The following PSG8 variants were observed in gnomAD, a reference collection of about 807,000 sequenced individuals.
PSG8 encodes the protein pregnancy-specific beta-1-glycoprotein 8.
Under a neutral mutation model 42.5 loss-of-function variants are expected in PSG8, and 57 were observed. The observed-to-expected ratio is 1.34, with a 90% CI of 1.08 to 1.67. PSG8 has a LOEUF of 1.67. Among genes scored for constraint, PSG8 ranks in the 40% most tolerant of loss-of-function variants. PSG8 has a pLI of 0.00. For missense variants in PSG8, 783 were observed against 518.6 expected (o/e 1.51, Z -4.95); for synonymous variants, 280 against 196.8 (o/e 1.42, Z -3.54).
chr19:42,757,929 C>A, intron 3 of PSG8, 73 bp downstream of exon 3: 1 of 1,613,730 alleles, frequency 6.2e-7, no homozygotes, highest in Non-Finnish European at 8.5e-7. Flanking sequence ...CTGAGAGGGA[C>A]TGAGAGGCCT....
downstream of PSG8, chr19:42,753,849 T>A (rs1223942839): frequency 8.8e-6 from 4 of 455,152 alleles, no homozygotes; most frequent in Non-Finnish European, 1.7e-5. Flanking sequence ...TGCAAATATG[T>A]GTATTACCAT....
intron 2 of PSG8, among the ~76,000 whole-genome samples, chr19:42,762,877 A>G (rs1203213254): frequency 2.0e-5 from 3 of 152,094 alleles, no homozygotes; most frequent in African/African-American, 7.2e-5. Context: ...CTTGGAAGCC[A>G]GTGAGCCCTC....
chr19:42,759,581 T>A (rs1006887434), intron 2 of PSG8, among the ~76,000 whole-genome samples: 1 of 152,154 alleles, frequency 6.6e-6, no homozygotes, highest in African/African-American at 2.4e-5. Flanking sequence ...CTTTTTAGCA[T>A]CACATCAGTG....
intron 3 of PSG8, chr19:42,755,662 T>C: frequency 3.6e-6 from 1 of 276,038 alleles, no homozygotes; most frequent in East Asian, 7.6e-5. Flanking sequence ...TCCCCCTAGA[T>C]GTGATTTCTC....
intron 3 of PSG8, among the ~76,000 whole-genome samples, chr19:42,757,287 A>T (rs1969950452): frequency 6.6e-6 from 1 of 152,048 alleles, no homozygotes; most frequent in Non-Finnish European, 1.5e-5. Context: ...CTTCCCTGAT[A>T]ACTAGATAGA....
At position 42,758,174 on chromosome 19, in the gene PSG8, C is replaced by G. The variant is rs779703066; in HGVS notation, c.537G>C (p.Leu179=). 1 of 1,613,926 alleles carries G rather than the reference C, an allele frequency of 6.2e-7. No individual in the cohort carries two copies. Among genetic ancestry groups the G allele is most frequent in the African/African-American group, 1.3e-5 (1 of 74,896 alleles). The change falls in exon 3 of 5, where the codon CTG becomes CTC. Residue 179 remains leucine, a synonymous_variant. Transcript: ENST00000306511. Reference sequence around the variant, plus strand: ...GGAGGCTCTGACCATTCATCCACCACAGGTAGCTTGCGTCCGGAGTCTCAG... The same window carrying G: ...GGAGGCTCTGACCATTCATCCACCAGAGGTAGCTTGCGTCCGGAGTCTCAG... ...CDPETPDASY[L]WWMNGQSLPM...
At chr19:42,753,340 A>T (rs1486552060), downstream of PSG8, 2 of 780,452 alleles carry the variant, frequency 2.6e-6, no homozygotes, top group Admixed American at 1.7e-5. Context: ...AGAAAATGGA[A>T]TTGGAGGAAC....
intron 2 of PSG8, among the ~76,000 whole-genome samples, chr19:42,761,358 G>A (rs1243041637): frequency 6.6e-6 from 1 of 152,142 alleles, no homozygotes; most frequent in Non-Finnish European, 1.5e-5. Flanking sequence ...GTTATAGGAG[G>A]GAACTGAATT....
At position 42,762,401 on chromosome 19, in the gene PSG8, G is replaced by T. The variant is rs148041852; in HGVS notation, c.430+1515C>A. ...TACATGAGCTGGGGTGGCTTTAGGGGCAAGAGGTAGTGGGGGGATGAAACA... is the reference window on the plus strand; with the variant it reads ...TACATGAGCTGGGGTGGCTTTAGGGTCAAGAGGTAGTGGGGGGATGAAACA... On this transcript the variant is annotated intron_variant, in intron 2 of 4. Coordinates refer to ENST00000306511, the MANE Select transcript of PSG8 (RefSeq NM_182707.3). Among the ~76,000 whole-genome samples, 1,195 of 152,204 alleles carry T rather than the reference G, an allele frequency of 7.9e-3. 9 individuals are homozygous for T. Among genetic ancestry groups the T allele is most frequent in the Admixed American group, 0.012 (183 of 15,300 alleles).
chr19:42,763,459 C>G (rs1477765637), intron 2 of PSG8, among the ~76,000 whole-genome samples: 1 of 152,164 alleles, frequency 6.6e-6, no homozygotes, highest in Non-Finnish European at 1.5e-5. Flanking sequence ...GCCCAAGAAG[C>G]CACAACCCAG....
Position 42,754,543 on chromosome 19 carries a change from G to A in PSG8, c.1033C>T (p.Arg345Cys), listed in dbSNP as rs757765664. ...GACAAGTAGAGGACTTCTCCTGAACGGTAATAGGTGAATGAAGGGTAAATT... is the reference window on the plus strand; with the variant it reads ...GACAAGTAGAGGACTTCTCCTGAACAGTAATAGGTGAATGAAGGGTAAATT... ...PRIYPSFTYY[R>C]SGEVLYLSCS... The change falls in exon 5 of 5, where the codon CGT becomes TGT. Residue 345 changes from arginine (R) to cysteine (C), a missense_variant. By Grantham distance (180) the Arg-to-Cys change is radical. Coordinates refer to ENST00000306511, the MANE Select transcript of PSG8 (RefSeq NM_182707.3). 6.1e-5 allele frequency: 99 copies of A among 1,613,512 alleles called. 1 individual carries two copies. The highest frequency in any genetic ancestry group is 4.0e-4 in the Admixed American group (24 of 59,956).
At chr19:42,765,482 C>T (rs1970194287) in intron 1 of PSG8, 36 bp downstream of exon 1, 12 of 1,607,500 alleles carry the variant, frequency 7.5e-6, no homozygotes, top group African/African-American at 1.3e-5. Flanking sequence ...ACTCTGCTTC[C>T]TCCTCCTGTC....
intron 2 of PSG8, 52 bp from the exon 3 acceptor site, chr19:42,758,332 C>T (rs1969986106): frequency 2.5e-6 from 4 of 1,581,392 alleles, no homozygotes; most frequent in Non-Finnish European, 3.4e-6. Flanking sequence ...TTGATTCCTC[C>T]AAAGGCATTT....
intron 2 of PSG8, among the ~76,000 whole-genome samples, chr19:42,759,710 G>A (rs148945655): frequency 0.011 from 1,669 of 152,186 alleles, 34 homozygotes; most frequent in African/African-American, 0.039. Context: ...CTCATGTTAT[G>A]TTCTGACTCT....
Position 42,754,380 on chromosome 19 carries a change from G to C in PSG8, c.1196C>G (p.Ser399Ter). ...TTTGGAGCTTTCCTTGCCAGTGGCT[G>C]AGTTACGAACAGAGCAAGCATAGAG... The part of the protein sequence containing the change: ...SGLYACSVRN[S>*]ATGKESSKSM... The change falls in exon 5 of 5, where the codon TCA becomes TGA. Residue 399 changes from serine to a stop codon, truncating the protein, a stop_gained. Transcript: ENST00000306511. LOFTEE classifies it high-confidence loss of function. The C allele has an allele frequency of 6.2e-7, 1 of 1,613,842 alleles. No homozygotes were observed. Among genetic ancestry groups the C allele is most frequent in the Non-Finnish European group, 8.5e-7 (1 of 1,179,792 alleles).
chr19:42,761,424 C>T (rs1056151739), intron 2 of PSG8, among the ~76,000 whole-genome samples: 6 of 152,134 alleles, frequency 3.9e-5, no homozygotes, highest in African/African-American at 1.2e-4. Flanking sequence ...TGTCATTTGG[C>T]AAGAGTTTAC....
intron 2 of PSG8, among the ~76,000 whole-genome samples, chr19:42,760,161 T>C (rs1456354490): frequency 6.6e-6 from 1 of 152,190 alleles, no homozygotes. Flanking sequence ...TTTAAGTTTG[T>C]GTGAATTAGG....
chr19:42,765,441 C>A, intron 1 of PSG8, 77 bp downstream of exon 1: 1 of 1,587,224 alleles, frequency 6.3e-7, no homozygotes, highest in Non-Finnish European at 8.6e-7. Flanking sequence ...TTTTTTAGTA[C>A]CCCATACTCT....
chr19:42,761,148 A>C (rs1464300878), intron 2 of PSG8, among the ~76,000 whole-genome samples: 4 of 152,162 alleles, frequency 2.6e-5, no homozygotes, highest in African/African-American at 9.7e-5. Flanking sequence ...GGAAACTAGC[A>C]TGCCTGACTC....
Sources: gnomAD v4.1 joint callset for allele counts (sites outside exome capture counted in the v4.1 genomes callset) on GRCh38, gnomAD v4.1.1 for gene constraint, MANE v1.5 for transcripts, NCBI Gene and HGNC (gene_info 2026-07-23, HGNC 2026-07-21) for gene names.